Variants in SETD2 observed in about 807,000 individuals in gnomAD.
SETD2 encodes histone-lysine N-methyltransferase SETD2.
In SETD2, 31 loss-of-function variants were observed where a neutral mutation model predicts 242.1. That is an observed-to-expected ratio of 0.13 (90% CI 0.10 to 0.17). The LOEUF (loss-of-function observed/expected upper bound fraction) is 0.17. Among genes scored for constraint, SETD2 ranks in the 10% least tolerant of loss-of-function variants. The pLI, the probability that SETD2 is intolerant of heterozygous loss-of-function variation, is 1.00. For missense variants in SETD2, 2,481 were observed against 3,046.3 expected, an observed-to-expected ratio of 0.81 and a Z score of 4.37; for synonymous variants, 1,006 against 1,066.5, an observed-to-expected ratio of 0.94 and a Z score of 1.11.
At chr3:47,028,063 C>T (rs887977801) in intron 18 of SETD2, among the ~76,000 whole-genome samples, 3 of 152,064 alleles carry the variant, frequency 2.0e-5, no homozygotes, top group African/African-American at 7.2e-5. Context: ...ACTTGTGCTT[C>T]TGGTCATGAC....
In SETD2 at chr3:47,124,458, T is replaced by C; in HGVS notation, c.178A>G (p.Lys60Glu). 6.4e-7 allele frequency: 1 copy of C among 1,551,884 alleles called. No homozygotes were observed. ...ASSRFLPKGT[K>E]TKVNLEEQGR... Reference sequence around the variant, plus strand: ...TGTTCTTCCAAATTAACTTTTGTTTTGGTGCCTTTGGGCAAAAATCGACTA... The same window carrying C: ...TGTTCTTCCAAATTAACTTTTGTTTCGGTGCCTTTGGGCAAAAATCGACTA... The change falls in exon 3 of 21, where the codon AAA (lysine) becomes GAA (glutamate). Residue 60 changes from lysine to glutamate, a missense_variant. Lys to Glu is a moderately conservative substitution (Grantham distance 56). This residue lies in a region of SETD2 where 334 missense variants were observed against 374.5 expected (regional missense o/e 0.89). Transcript: ENST00000409792.
chr3:47,065,003 T>G (rs2040500028), intron 13 of SETD2, among the ~76,000 whole-genome samples: 1 of 152,112 alleles, frequency 6.6e-6, no homozygotes, highest in South Asian at 2.1e-4. Context: ...CACAATAATT[T>G]GCAAATATCT....
At chr3:47,161,514 C>T (rs1249065784) in intron 1 of SETD2, among the ~76,000 whole-genome samples, 1 of 152,056 alleles carries the variant, frequency 6.6e-6, no homozygotes, top group Non-Finnish European at 1.5e-5. Flanking sequence ...CTTCATATGC[C>T]AAACAGGTGA....
chr3:47,076,827 T>A (rs184688579), intron 12 of SETD2, among the ~76,000 whole-genome samples: 1 of 152,362 alleles, frequency 6.6e-6, no homozygotes, highest in Non-Finnish European at 1.5e-5. Flanking sequence ...AAAGAGAAAC[T>A]GCCTGCTAGG....
intron 1 of SETD2, among the ~76,000 whole-genome samples, chr3:47,148,293 G>T (rs771933676): frequency 2.0e-5 from 3 of 151,946 alleles, no homozygotes; most frequent in Non-Finnish European, 4.4e-5. Context: ...GCCACGCCGG[G>T]CTAATTTTTG....
intron 18 of SETD2, among the ~76,000 whole-genome samples, chr3:47,033,652 ATTTTT>A (rs34978514): frequency 5.5e-5 from 5 of 90,856 alleles, no homozygotes; most frequent in Non-Finnish European, 9.6e-5. Flanking sequence ...TCATGGTTTG[ATTTTT>A]TTTTTTTTTT....
upstream of SETD2, chr3:47,164,425 C>A (rs1697613648): frequency 6.5e-6 from 1 of 152,808 alleles, no homozygotes; most frequent in Non-Finnish European, 1.5e-5. This position sits in a 1 kb window ranked among gnomAD's most constrained non-coding sequence, Gnocchi z 5.4. Flanking sequence ...TGACCCGGCC[C>A]GCTACCGTGT....
intron 1 of SETD2, among the ~76,000 whole-genome samples, chr3:47,146,228 A>G (rs973837213): frequency 1.3e-5 from 2 of 152,116 alleles, no homozygotes; most frequent in African/African-American, 2.4e-5. Flanking sequence ...ACTGACTCCA[A>G]AGTTTTTTAA....
intron 13 of SETD2, 100 bp downstream of exon 13, chr3:47,066,970 G>A (rs527375171): frequency 1.2e-6 from 1 of 827,150 alleles, no homozygotes; most frequent in Non-Finnish European, 2.0e-6. Flanking sequence ...ATATTCTCTA[G>A]TTTCAAAAAC....
intron 15 of SETD2, among the ~76,000 whole-genome samples, chr3:47,050,623 C>T (rs1056962832): frequency 2.7e-5 from 4 of 150,556 alleles, no homozygotes; most frequent in African/African-American, 9.8e-5. Flanking sequence ...GTATATATAA[C>T]GTAAATATTC....
intron 15 of SETD2, among the ~76,000 whole-genome samples, chr3:47,053,560 T>A (rs1430696770): frequency 6.6e-6 from 1 of 152,192 alleles, no homozygotes; most frequent in Non-Finnish European, 1.5e-5. Context: ...TGTAAAAAAA[T>A]CAGTCACCTC....
chr3:47,071,519 T>C (rs2040817342), intron 12 of SETD2, among the ~76,000 whole-genome samples: 1 of 152,182 alleles, frequency 6.6e-6, no homozygotes, highest in Non-Finnish European at 1.5e-5. Flanking sequence ...TTTAAAGGCC[T>C]CACCTACAGC....
chr3:47,050,723 CT>C (rs775259096), intron 15 of SETD2, among the ~76,000 whole-genome samples: 1,851 of 66,632 alleles, frequency 0.028, 12 homozygotes, highest in East Asian at 0.087. Flanking sequence ...TTTCCTCTCT[CT>C]TTTTTTTTTT....
chr3:47,056,339 C>T (rs2040081111), intron 15 of SETD2, among the ~76,000 whole-genome samples: 1 of 151,864 alleles, frequency 6.6e-6, no homozygotes, highest in Admixed American at 6.6e-5. Flanking sequence ...GTTGGCCCGG[C>T]TGATCTCAAA....
Position 47,109,935 on chromosome 3 carries a change from G to A in SETD2, c.4716-3815C>T, listed in dbSNP as rs373398534. ...CGGGAAGCAGAGGTTGCAGTGAGCC[G>A]TGATCGTGCCACTGTGCTCCAGCCT... is the stretch of plus-strand genomic sequence containing the variant. On this transcript the variant is annotated intron_variant, in intron 5 of 20. Coordinates refer to ENST00000409792, the MANE Select transcript of SETD2 (RefSeq NM_014159.7). 5.3e-5 allele frequency among the ~76,000 whole-genome samples: 8 copies of A among 150,284 alleles called. No individual in the cohort carries two copies. The East Asian group carries it at 9.8e-4, about 18-fold the overall frequency.
chr3:47,084,109 T>C lies in SETD2; in HGVS notation c.5671A>G (p.Ser1891Gly), dbSNP rs781536923. Residue 1891 changes from serine to glycine, a missense_variant, in exon 12 of 21, where the codon AGT (serine) becomes GGT (glycine). By Grantham distance (56) the Ser-to-Gly change is moderately conservative. Coordinates refer to ENST00000409792, the MANE Select transcript of SETD2 (RefSeq NM_014159.7). ...LKIISENSMDSAISDATSELE... is the reference protein window; with the variant it reads ...LKIISENSMDGAISDATSELE... ...TCACTGGTTGCATCAGAGATTGCAC[T>C]GTCCATGCTATTTTCACTTATAATT... 1.2e-6 allele frequency: 2 copies of C among 1,614,218 alleles called. No individual in the cohort carries two copies. The highest frequency in any genetic ancestry group is 1.1e-5 in the South Asian group (1 of 91,084).
intron 1 of SETD2, among the ~76,000 whole-genome samples, chr3:47,147,482 C>T (rs966513767): frequency 6.6e-6 from 1 of 151,038 alleles, no homozygotes; most frequent in African/African-American, 2.4e-5. Context: ...ACCACCACGC[C>T]CAGCTAATTG....
intron 15 of SETD2, chr3:47,046,951 TA>T (rs1697493284): frequency 5.9e-6 from 1 of 168,332 alleles, no homozygotes; most frequent in Non-Finnish European, 1.3e-5. Flanking sequence ...ACAGTTTCTA[TA>T]AGCAAAAACC....
intron 3 of SETD2, 147 bp from the exon 4 acceptor site, chr3:47,116,901 TGATGC>T: frequency 3.5e-6 from 2 of 574,792 alleles, no homozygotes; most frequent in South Asian, 4.2e-5. Flanking sequence ...CAGGGTGCAG[TGATGC>T]GATCATGGCT....
Sources: gnomAD v4.1 joint callset for allele counts (sites outside exome capture counted in the v4.1 genomes callset) on GRCh38, gnomAD v4.1.1 for gene constraint, gnomAD v4.1.1 regional missense constraint, Gnocchi (gnomAD v3.1) non-coding constraint, MANE v1.5 for transcripts, NCBI Gene and HGNC (gene_info 2026-07-23, HGNC 2026-07-21) for gene names.